The following PDE5A variants were observed in gnomAD, a reference collection of about 807,000 sequenced individuals.
PDE5A encodes phosphodiesterase 5A.
Under a neutral mutation model 110.2 loss-of-function variants are expected in PDE5A, and 67 were observed. That is an observed-to-expected ratio of 0.61 (90% CI 0.50 to 0.75). PDE5A has a LOEUF of 0.75. Ranked by LOEUF, PDE5A falls within the 30% of genes least tolerant of loss-of-function variation. The probability of loss-of-function intolerance (pLI) is 0.00; values close to 1 mark genes in which losing one functional copy is unlikely to be tolerated. For missense variants in PDE5A, 862 were observed against 1,045.1 expected (o/e 0.82, Z 2.42); for synonymous variants, 328 against 351.2 (o/e 0.93, Z 0.74).
At chr4:119,621,559 A>G (rs1435248197) in intron 1 of PDE5A, among the ~76,000 whole-genome samples, 1 of 152,234 alleles carries the variant, frequency 6.6e-6, no homozygotes, top group African/African-American at 2.4e-5. Context: ...AAATGGATAC[A>G]TGGACAGATA....
rs202153456 is a variant in PDE5A, at chr4:119,498,001, A to G, written c.*600T>C. ...CTTGCCTGTTCTCTCACAAAACAGC[A>G]TATCAATTAAATAATGTTTTCTTTA... On this transcript the variant is annotated 3_prime_UTR_variant, in exon 21 of 21. Coordinates refer to ENST00000354960, the MANE Select transcript of PDE5A (RefSeq NM_001083.4). 6 of 152,230 alleles carry G rather than the reference A, an allele frequency of 3.9e-5. No homozygotes were observed. Among genetic ancestry groups the G allele is most frequent in the African/African-American group, 1.2e-4 (5 of 41,454 alleles). 9.4% of individuals were successfully genotyped at this position (152,230 alleles called of 1,614,324 possible).
chr4:119,532,880 G>A (rs1426538130), intron 11 of PDE5A, among the ~76,000 whole-genome samples: 2 of 152,070 alleles, frequency 1.3e-5, no homozygotes, highest in Non-Finnish European at 2.9e-5. Context: ...GCTATCAAAG[G>A]CATTCTGCTT....
At chr4:119,507,969 TAAAATC>T (rs1479519864) in intron 15 of PDE5A, among the ~76,000 whole-genome samples, 1 of 151,938 alleles carries the variant, frequency 6.6e-6, no homozygotes, top group African/African-American at 2.4e-5. Context: ...AGTCCAGACT[TAAAATC>T]TAATAGCTAT....
intron 3 of PDE5A, among the ~76,000 whole-genome samples, chr4:119,585,807 G>A (rs994296173): frequency 6.6e-6 from 1 of 152,132 alleles, no homozygotes; most frequent in Non-Finnish European, 1.5e-5. Context: ...TTGGAGACGA[G>A]GTTATATAGA....
rs1478025526 is a variant in PDE5A at position 119,525,456 on chromosome 4, C to T, written c.1779+93G>A. The T allele has an allele frequency of 5.9e-6, 7 of 1,188,480 alleles. No homozygotes were observed. Among genetic ancestry groups the T allele is most frequent in the South Asian group, 4.9e-5 (3 of 61,076 alleles). The allele number at this position is 1,188,480 out of a possible 1,614,324, so 73.6% of individuals were successfully genotyped here. A position where few individuals can be genotyped will look rare whatever the true frequency, so the allele number is the denominator to read the frequency against. ...ATTAATCACTAAAATGTAAAAATCC[C>T]TATTCCATATTTGCATTCAAAACCA... is the stretch of plus-strand genomic sequence containing the variant. On this transcript the variant is annotated intron_variant, in intron 12 of 20. Transcript: ENST00000354960. The surrounding 1 kb of genome is among the most constrained non-coding windows in gnomAD (Gnocchi z 4.3).
At chr4:119,514,866 A>G (rs1165484303) in intron 14 of PDE5A, among the ~76,000 whole-genome samples, 1 of 152,178 alleles carries the variant, frequency 6.6e-6, no homozygotes, top group East Asian at 1.9e-4. Context: ...AGGTATTTTC[A>G]TTATTCCATT....
intron 1 of PDE5A, chr4:119,628,007 C>G (rs928064977): frequency 1.9e-5 from 19 of 983,972 alleles, no homozygotes; most frequent in Non-Finnish European, 2.3e-5. Flanking sequence ...TGGCAAGGTT[C>G]CGTCATGTTG....
intron 15 of PDE5A, among the ~76,000 whole-genome samples, chr4:119,509,021 T>C (rs1484136808): frequency 1.3e-5 from 2 of 151,986 alleles, no homozygotes; most frequent in Non-Finnish European, 2.9e-5. Flanking sequence ...GCTAAATTTG[T>C]AGTGGGATAC....
chr4:119,555,202 C>A (rs1727495605), intron 7 of PDE5A, among the ~76,000 whole-genome samples: 1 of 151,984 alleles, frequency 6.6e-6, no homozygotes, highest in Non-Finnish European at 1.5e-5. Flanking sequence ...TTGGTCAAAC[C>A]AAGTACTGAC....
intron 3 of PDE5A, among the ~76,000 whole-genome samples, chr4:119,568,713 T>C (rs1728035214): frequency 6.6e-6 from 1 of 152,112 alleles, no homozygotes; most frequent in Non-Finnish European, 1.5e-5. Flanking sequence ...CTCTAATAAA[T>C]AGTTTTACAA....
At chr4:119,547,610 C>T (rs1052843518) in intron 9 of PDE5A, among the ~76,000 whole-genome samples, 2 of 151,746 alleles carry the variant, frequency 1.3e-5, no homozygotes, top group Non-Finnish European at 2.9e-5. Flanking sequence ...TAGCTTTGAC[C>T]ATGTACCTTC....
intron 1 of PDE5A, among the ~76,000 whole-genome samples, chr4:119,617,819 T>C (rs1019455789): frequency 1.3e-5 from 2 of 152,284 alleles, no homozygotes; most frequent in East Asian, 3.9e-4. Context: ...TATAATGGCC[T>C]AGTACCGAAA....
intron 1 of PDE5A, among the ~76,000 whole-genome samples, chr4:119,613,863 A>G (rs192827445): frequency 1.1e-4 from 16 of 152,146 alleles, no homozygotes; most frequent in South Asian, 4.1e-4. Context: ...CCATTCTACT[A>G]TTTGGTGGCA....
chr4:119,547,833 C>T (rs1351241985), intron 9 of PDE5A, among the ~76,000 whole-genome samples: 1 of 151,954 alleles, frequency 6.6e-6, no homozygotes, highest in Admixed American at 6.5e-5. Context: ...AAACGACTGA[C>T]TTTATGTTGC....
At chr4:119,592,487 AGCT>A (rs958575584) in intron 3 of PDE5A, among the ~76,000 whole-genome samples, 3 of 136,958 alleles carry the variant, frequency 2.2e-5, no homozygotes, top group African/African-American at 8.0e-5. Flanking sequence ...AAAAAAAAAA[AGCT>A]GTGTTCTGGA....
chr4:119,538,538 C>A (rs1726809447), intron 11 of PDE5A, among the ~76,000 whole-genome samples: 1 of 152,098 alleles, frequency 6.6e-6, no homozygotes, highest in African/African-American at 2.4e-5. Flanking sequence ...TATTTGACCC[C>A]AATTTCAAAC....
At chr4:119,513,348 T>A (rs975659710) in intron 14 of PDE5A, among the ~76,000 whole-genome samples, 14 of 152,112 alleles carry the variant, frequency 9.2e-5, no homozygotes, top group Non-Finnish European at 1.8e-4. Flanking sequence ...TCAACAGTTC[T>A]GGGTCTTATT....
intron 7 of PDE5A, among the ~76,000 whole-genome samples, chr4:119,559,895 C>G (rs1377614991): frequency 6.6e-6 from 1 of 152,198 alleles, no homozygotes; most frequent in African/African-American, 2.4e-5. Context: ...CTTGACTACT[C>G]ACTTCATGCC....
intron 9 of PDE5A, chr4:119,549,816 T>G (rs148203702): frequency 1.1e-3 from 164 of 152,276 alleles, no homozygotes; most frequent in Middle Eastern, 6.8e-3. Context: ...AAGAAAACAT[T>G]TGATACGAAA....
Sources: gnomAD v4.1 joint callset for allele counts (sites outside exome capture counted in the v4.1 genomes callset) on GRCh38, gnomAD v4.1.1 for gene constraint, Gnocchi (gnomAD v3.1) non-coding constraint, MANE v1.5 for transcripts, NCBI Gene and HGNC (gene_info 2026-07-23, HGNC 2026-07-21) for gene names.